The following LIMA1 variants were observed in gnomAD, a reference collection of about 807,000 sequenced individuals.
The protein encoded by LIMA1 is LIM domain and actin binding 1.
A neutral mutation model predicts 62.6 loss-of-function variants in LIMA1; 52 were observed. The ratio of observed to expected loss-of-function variants is 0.83; its 90% CI spans 0.67 to 1.05. The LOEUF is 1.05. Ranked by LOEUF, LIMA1 falls within the 50% of genes least tolerant of loss-of-function variation. The pLI is 0.00. For missense variants in LIMA1, 780 were observed against 902.2 expected (o/e 0.86, Z 1.74); for synonymous variants, 302 against 317.8 (o/e 0.95, Z 0.53).
chr12:50,249,223 G>C (rs1252275637), intron 1 of LIMA1, among the ~76,000 whole-genome samples: 1 of 152,196 alleles, frequency 6.6e-6, no homozygotes, highest in Non-Finnish European at 1.5e-5. Flanking sequence ...TCAGTGCCAG[G>C]GAGAGAGCTG....
intron 1 of LIMA1, among the ~76,000 whole-genome samples, chr12:50,252,733 C>T (rs556845027): frequency 6.6e-6 from 1 of 152,186 alleles, no homozygotes; most frequent in South Asian, 2.1e-4. Flanking sequence ...TTAGCACATG[C>T]ATGGTTTTTA....
At position 50,177,082 on chromosome 12, in the gene LIMA1, CTCA is replaced by C. The variant is rs749528957; in HGVS notation, c.2259_2261del (p.Asp753del). ...CAATTTGTCACTCTTCATCCTCATCCTCATCATAATACCGATTTCTCTTTATCT... is the reference window on the plus strand; with the variant it reads ...CAATTTGTCACTCTTCATCCTCATCCTCATAATACCGATTTCTCTTTATCT... On this transcript the variant is annotated inframe_deletion, in exon 11 of 11. Coordinates refer to ENST00000341247, the MANE Select transcript of LIMA1 (RefSeq NM_016357.5). 6.3e-7 allele frequency: 1 copy of C among 1,579,356 alleles called. No homozygotes were observed. Among genetic ancestry groups the C allele is most frequent in the East Asian group, 2.2e-5 (1 of 44,536 alleles).
intron 1 of LIMA1, among the ~76,000 whole-genome samples, chr12:50,252,742 T>TA (rs1809086665): frequency 6.6e-6 from 1 of 152,116 alleles, no homozygotes; most frequent in Non-Finnish European, 1.5e-5. Flanking sequence ...GCATGGTTTT[T>TA]ATAACAAAAA....
intron 9 of LIMA1, among the ~76,000 whole-genome samples, chr12:50,190,534 ATTTT>A (rs11359577): frequency 8.1e-6 from 1 of 124,082 alleles, no homozygotes; most frequent in Non-Finnish European, 1.7e-5. Context: ...TGCCCGGCTA[ATTTT>A]TTTTTTTTTT....
intron 3 of LIMA1, among the ~76,000 whole-genome samples, chr12:50,224,985 C>T (rs546489211): frequency 6.6e-6 from 1 of 151,118 alleles, no homozygotes; most frequent in African/African-American, 2.4e-5. Flanking sequence ...TCACTGCAAC[C>T]TCGGCCTCCT....
At chr12:50,238,210 TAAA>T (rs1053867686) in intron 2 of LIMA1, among the ~76,000 whole-genome samples, 33 of 152,156 alleles carry the variant, frequency 2.2e-4, no homozygotes, top group African/African-American at 7.7e-4. Context: ...TCAGTAAAAT[TAAA>T]AACTTTTCTG....
At chr12:50,207,342 G>A (rs1418546325) in intron 4 of LIMA1, among the ~76,000 whole-genome samples, 2 of 152,068 alleles carry the variant, frequency 1.3e-5, no homozygotes, top group Non-Finnish European at 2.9e-5. Context: ...TAAGACTGTA[G>A]TGTCAAAGAA....
chr12:50,275,090 C>T (rs953582973), intron 1 of LIMA1, among the ~76,000 whole-genome samples: 1 of 152,130 alleles, frequency 6.6e-6, no homozygotes, highest in African/African-American at 2.4e-5. Flanking sequence ...GGTGCGGTGG[C>T]TCATGCCTAT....
intron 3 of LIMA1, among the ~76,000 whole-genome samples, chr12:50,223,721 T>G (rs990118264): frequency 1.3e-5 from 2 of 151,994 alleles, no homozygotes; most frequent in Admixed American, 6.6e-5. Flanking sequence ...TGTTCCATAA[T>G]AGAGGAAACA....
intron 8 of LIMA1, chr12:50,195,615 G>A (rs1318555947): frequency 1.0e-5 from 4 of 396,818 alleles, no homozygotes; most frequent in African/African-American, 8.3e-5. Flanking sequence ...AGCATTACAA[G>A]TATTCAGTTT....
intron 2 of LIMA1, among the ~76,000 whole-genome samples, chr12:50,236,963 G>A (rs1311696569): frequency 6.6e-6 from 1 of 152,128 alleles, no homozygotes; most frequent in African/African-American, 2.4e-5. Context: ...ACATTGGTGA[G>A]GGTATGGGGA....
chr12:50,204,123 T>C (rs1034523306), intron 6 of LIMA1, among the ~76,000 whole-genome samples: 5 of 152,242 alleles, frequency 3.3e-5, no homozygotes, highest in Admixed American at 6.5e-5. Context: ...CCCTCGTTAA[T>C]GAACACAGCT....
intron 10 of LIMA1, among the ~76,000 whole-genome samples, chr12:50,178,961 TA>T (rs1368708017): frequency 2.9e-5 from 3 of 102,636 alleles, no homozygotes; most frequent in South Asian, 3.1e-4. Flanking sequence ...CATATATATA[TA>T]TATATTTTTT....
chr12:50,260,933 A>T (rs866542476), intron 1 of LIMA1, among the ~76,000 whole-genome samples: 1 of 134,244 alleles, frequency 7.4e-6, no homozygotes. Flanking sequence ...CTTGCCCCAA[A>T]AAAAAAAAAA....
intron 9 of LIMA1, chr12:50,185,740 C>A: frequency 3.3e-6 from 1 of 303,116 alleles, no homozygotes. Flanking sequence ...CACACCTGAC[C>A]CACATCGGCT....
In LIMA1 at chr12:50,193,668, T is replaced by TA. The variant is rs1248804824; in HGVS notation, c.1031-1108_1031-1107insT. Among the ~76,000 whole-genome samples the TA allele has an allele frequency of 6.9e-3, 547 of 79,166 alleles. 8 individuals are homozygous for TA. In the East Asian group the frequency reaches 0.086, roughly 12 times the overall value. The allele number at this position is 79,166 out of a possible 152,430, so 51.9% of individuals were successfully genotyped here. On this transcript the variant is annotated intron_variant, in intron 8 of 10. Transcript: ENST00000341247. Reference sequence around the variant, plus strand: ...TGTGTGTGTATATATATATATATATTTTTTTTTTTTTTTTTTTTCAGAGTC... The same window carrying TA: ...TGTGTGTGTATATATATATATATATTATTTTTTTTTTTTTTTTTTCAGAGTC...
At position 50,213,202 on chromosome 12, in the gene LIMA1, CT is replaced by C. The variant is rs1333762896; in HGVS notation, c.631-7135del. 2.6e-5 allele frequency among the ~76,000 whole-genome samples: 4 copies of C among 152,244 alleles called. No homozygotes were observed. In the East Asian group the frequency reaches 7.7e-4, roughly 29 times the overall value. On this transcript the variant is annotated intron_variant, in intron 4 of 10. Transcript: ENST00000341247. ...CATTCCAATGTATTCCTTCTGTTCACTGTCCTGATGCTTTTCAATTAGTTAA... is the reference window on the plus strand; with the variant it reads ...CATTCCAATGTATTCCTTCTGTTCACGTCCTGATGCTTTTCAATTAGTTAA...
chr12:50,275,084 C>T (rs374328985), intron 1 of LIMA1, among the ~76,000 whole-genome samples: 6 of 152,022 alleles, frequency 3.9e-5, no homozygotes, highest in Non-Finnish European at 4.4e-5. Context: ...TGGCCAGGTG[C>T]GGTGGCTCAT....
chr12:50,263,851 TAG>T (rs1215742051), intron 1 of LIMA1, among the ~76,000 whole-genome samples: 9 of 127,886 alleles, frequency 7.0e-5, no homozygotes, highest in Middle Eastern at 3.8e-3. Context: ...TATATATATA[TAG>T]AGAGTATATA....
Sources: allele counts gnomAD v4.1 joint callset (sites outside exome capture counted in the v4.1 genomes callset), GRCh38; gene constraint gnomAD v4.1.1; transcripts MANE v1.5; gene names NCBI Gene and HGNC (gene_info 2026-07-23, HGNC 2026-07-21).